The following COX5A variants were observed in gnomAD, a reference collection of about 807,000 sequenced individuals.
COX5A encodes the protein cytochrome c oxidase subunit 5A, mitochondrial.
Under a neutral mutation model 16.1 loss-of-function variants are expected in COX5A, and 6 were observed. The ratio of observed to expected loss-of-function variants is 0.37; its 90% confidence interval spans 0.20 to 0.73. The LOEUF (loss-of-function observed/expected upper bound fraction) is 0.73, where lower values mean the gene tolerates loss of function less well. COX5A is among the 30% of genes least tolerant of loss of function. COX5A has a pLI of 0.50. For synonymous variants in COX5A, 73 were observed against 73.8 expected (o/e 0.99, Z 0.06); for missense variants, 159 against 194.9 (o/e 0.82, Z 1.10).
chr15:74,923,716 G>C lies in COX5A; in HGVS notation c.394C>G (p.Pro132Ala). ...GAGATTCCCAGTTCATTTAAAGTTG[G>C]TCTAAGTTCCTGGATGACATAGGGG... ...IYPYVIQELR[P>A]TLNELGISTP... is the part of the protein sequence containing the mutation. The change falls in exon 4 of 5, where the codon CCA becomes GCA. Residue 132 changes from proline to alanine, a missense_variant. By Grantham distance (27) the Pro-to-Ala change is conservative. Coordinates refer to ENST00000322347, the MANE Select transcript of COX5A (RefSeq NM_004255.4). The C allele has an allele frequency of 6.2e-7, 1 of 1,611,882 alleles. No individual in the cohort carries two copies.
intron 3 of COX5A, among the ~76,000 whole-genome samples, chr15:74,924,046 G>T (rs1270649046): frequency 6.6e-6 from 1 of 151,912 alleles, no homozygotes; most frequent in Admixed American, 6.6e-5. Context: ...CAGGTGTAGT[G>T]GCACATGCCT....
chr15:74,937,851 G>T, intron 1 of COX5A, 64 bp downstream of exon 1: 1 of 1,005,078 alleles, frequency 9.9e-7, no homozygotes, highest in Non-Finnish European at 1.3e-6. Flanking sequence ...CCCCGGAGTG[G>T]CAGCGGGGAC....
intron 1 of COX5A, among the ~76,000 whole-genome samples, chr15:74,930,171 G>C (rs1404311846): frequency 6.6e-6 from 1 of 152,094 alleles, no homozygotes; most frequent in African/African-American, 2.4e-5. Flanking sequence ...TGTAATCCCA[G>C]CACTTTGGGA....
intron 1 of COX5A, among the ~76,000 whole-genome samples, chr15:74,930,156 A>G (rs2065360477): frequency 6.6e-6 from 1 of 151,946 alleles, no homozygotes; most frequent in South Asian, 2.1e-4. Context: ...GCAGTGGCTC[A>G]CGCCTGTAAT....
rs546787230 is a variant in COX5A, at chr15:74,927,772, CAAACA to C, written c.218-890_218-886del. On this transcript the variant is annotated intron_variant, in intron 2 of 4. Coordinates refer to ENST00000322347, the MANE Select transcript of COX5A (RefSeq NM_004255.4). ...GGGCAATAAGAGAGAAACTCCATCT[CAAACA>C]AAACAAAACAAACAAACAAAAAAAC... Among the ~76,000 whole-genome samples the C allele has an allele frequency of 1.5e-3, 223 of 152,018 alleles. 1 individual carries two copies. Among genetic ancestry groups the C allele is most frequent in the Non-Finnish European group, 2.6e-3 (177 of 67,968 alleles).
chr15:74,932,658 A>C (rs2065372396), intron 1 of COX5A, among the ~76,000 whole-genome samples: 1 of 152,144 alleles, frequency 6.6e-6, no homozygotes, highest in South Asian at 2.1e-4. Flanking sequence ...ATGAAGTGGA[A>C]CATGTACATA....
rs375407730 is a variant in COX5A, at chr15:74,937,441, T to C, written c.100+474A>G. Among the ~76,000 whole-genome samples the C allele has an allele frequency of 6.8e-4, 104 of 152,284 alleles. 6 individuals carry two copies. The South Asian group carries it at 0.021, about 31-fold the overall frequency. ...AAAGGCTGTGAAGGTGACACACTAA[T>C]CGCTAACCGAGAAATGCCTGATTGA... On this transcript the variant is annotated intron_variant, in intron 1 of 4. Transcript: ENST00000322347.
intron 1 of COX5A, among the ~76,000 whole-genome samples, chr15:74,934,954 G>T (rs1254304010): frequency 2.6e-5 from 4 of 152,152 alleles, no homozygotes; most frequent in Non-Finnish European, 5.9e-5. Flanking sequence ...TTGGCATTCA[G>T]TTAAGCACTC....
chr15:74,931,248 G>A (rs2065366080), intron 1 of COX5A, among the ~76,000 whole-genome samples: 1 of 151,622 alleles, frequency 6.6e-6, no homozygotes, highest in South Asian at 2.1e-4. Context: ...CACCTGTAAT[G>A]CCAGCACTTT....
intron 1 of COX5A, 181 bp downstream of exon 1, chr15:74,937,734 G>A (rs1400018782): frequency 2.0e-5 from 8 of 390,804 alleles, no homozygotes; most frequent in Non-Finnish European, 3.1e-5. Context: ...GGAGGCCCCG[G>A]GGGCGCGCTT....
At chr15:74,923,413 C>CA (rs935173630) in intron 4 of COX5A, among the ~76,000 whole-genome samples, 181 of 126,914 alleles carry the variant, frequency 1.4e-3, no homozygotes, top group East Asian at 9.3e-3. Context: ...GACTCCATCT[C>CA]AAAAAAAAAA....
chr15:74,929,524 T>A (rs11072514), intron 1 of COX5A, among the ~76,000 whole-genome samples: 53,590 of 152,100 alleles, frequency 0.35, 12,226 homozygotes, highest in Non-Finnish European at 0.52. Context: ...TAACAGTGAT[T>A]ATCATGGGAC....
chr15:74,925,862 ATTCCT>A (rs991842752), intron 3 of COX5A, among the ~76,000 whole-genome samples: 1 of 150,952 alleles, frequency 6.6e-6, no homozygotes, highest in Non-Finnish European at 1.5e-5. Flanking sequence ...TCCTTGATAA[ATTCCT>A]TTCTTTTTTT....
intron 1 of COX5A, among the ~76,000 whole-genome samples, chr15:74,932,967 A>G (rs1268540915): frequency 3.3e-5 from 5 of 151,880 alleles, no homozygotes; most frequent in African/African-American, 1.2e-4. Context: ...AAGTGCTGGG[A>G]TAACAGGCAT....
chr15:74,928,040 TCTA>T (rs1468524319), intron 2 of COX5A, among the ~76,000 whole-genome samples: 1 of 152,226 alleles, frequency 6.6e-6, no homozygotes, highest in Non-Finnish European at 1.5e-5. Flanking sequence ...TTTTATTACT[TCTA>T]CTCCAGATTG....
intron 1 of COX5A, among the ~76,000 whole-genome samples, chr15:74,935,075 C>A (rs1208367860): frequency 1.3e-5 from 2 of 152,010 alleles, no homozygotes; most frequent in African/African-American, 4.8e-5. Flanking sequence ...AATAATCAAC[C>A]CTGACAGGCC....
intron 1 of COX5A, among the ~76,000 whole-genome samples, chr15:74,936,040 CA>C (rs1412677832): frequency 2.0e-5 from 3 of 152,038 alleles, no homozygotes; most frequent in African/African-American, 7.2e-5. Flanking sequence ...CCTGTAATCC[CA>C]GCACTTTGGG....
chr15:74,927,915 C>T (rs948592637), intron 2 of COX5A, among the ~76,000 whole-genome samples: 2 of 152,152 alleles, frequency 1.3e-5, no homozygotes, highest in African/African-American at 4.8e-5. Flanking sequence ...AACATTAGTA[C>T]ACAGACTCAT....
Position 74,927,856 on chromosome 15 carries a change from G to A in COX5A, c.218-969C>T, listed in dbSNP as rs561759383. 4.6e-5 allele frequency among the ~76,000 whole-genome samples: 7 copies of A among 152,274 alleles called. No homozygotes were observed. In the South Asian group the frequency reaches 6.2e-4, roughly 14 times the overall value. Reference sequence around the variant, plus strand: ...AGCCTAAAAACAGCCAGAGAAATGCGTAGAGTTAATGAAGCCTAAATGAGG... The same window carrying A: ...AGCCTAAAAACAGCCAGAGAAATGCATAGAGTTAATGAAGCCTAAATGAGG... On this transcript the variant is annotated intron_variant, in intron 2 of 4. Coordinates refer to ENST00000322347, the MANE Select transcript of COX5A (RefSeq NM_004255.4).
Sources: allele counts gnomAD v4.1 joint callset (sites outside exome capture counted in the v4.1 genomes callset), GRCh38; gene constraint gnomAD v4.1.1; transcripts MANE v1.5; gene names NCBI Gene and HGNC (gene_info 2026-07-23, HGNC 2026-07-21).